KLHDC3: variants seen among roughly 807,000 people sequenced by gnomAD.
KLHDC3 encodes kelch domain containing 3.
Under a neutral mutation model 44.1 loss-of-function variants are expected in KLHDC3, and 5 were observed. The ratio of observed to expected loss-of-function variants is 0.11; its 90% CI spans 0.06 to 0.24. The LOEUF is 0.24. Among genes scored for constraint, KLHDC3 ranks in the 10% least tolerant of loss-of-function variants. The probability of loss-of-function intolerance (pLI) is 1.00; values close to 1 mark genes in which losing one functional copy is unlikely to be tolerated. For synonymous variants in KLHDC3, 170 were observed against 189.0 expected (o/e 0.90, Z 0.82); for missense variants, 247 against 514.3 (o/e 0.48, Z 5.03).
intron 10 of KLHDC3, 28 bp from the exon 11 acceptor site, chr6:43,020,635 CTTCT>C (rs1189195986): frequency 1.3e-6 from 2 of 1,587,040 alleles, no homozygotes; most frequent in Admixed American, 1.7e-5. Context: ...AGGGCCCCCT[CTTCT>C]TTCTGTCTCT....
rs765487089 is a variant in KLHDC3, at chr6:43,019,383, G to A, written c.1082+17G>A. ...TGATATCAGGTACAGCGAGTGGTTG[G>A]AAGGGAGGGATTGAGTGAGGGTGAG... On this transcript the variant is annotated intron_variant, in intron 10 of 10. Transcript: ENST00000326974. 8 of 1,580,730 alleles carry A rather than the reference G, an allele frequency of 5.1e-6. No individual in the cohort carries two copies. The East Asian group carries it at 1.6e-4, about 31-fold the overall frequency.
Position 43,020,734 on chromosome 6 carries a change from G to A in KLHDC3, c.*1G>A, listed in dbSNP as rs1561860428. On this transcript the variant is annotated 3_prime_UTR_variant, in exon 11 of 11. Transcript: ENST00000326974. The stretch of plus-strand genomic sequence containing the variant: ...CCCCATCGTCTCCTCCCATGGGTAG[G>A]AGGAAGTTTCTGCCACCTCCCCTCC... The A allele has an allele frequency of 3.7e-6, 6 of 1,612,524 alleles. No homozygotes were observed. The highest frequency in any genetic ancestry group is 5.1e-6 in the Non-Finnish European group (6 of 1,178,684).
chr6:43,019,716 G>A (rs1236147545), intron 10 of KLHDC3, among the ~76,000 whole-genome samples: 1 of 152,216 alleles, frequency 6.6e-6, no homozygotes, highest in East Asian at 1.9e-4. Context: ...GGTTCCAGAA[G>A]ATCTGGCTGC....
Position 43,018,891 on chromosome 6 carries a change from G to A in KLHDC3, c.849G>A (p.Pro283=), listed in dbSNP as rs34597116. 9.3e-6 allele frequency: 15 copies of A among 1,611,238 alleles called. No individual in the cohort carries two copies. Among genetic ancestry groups the A allele is most frequent in the South Asian group, 7.7e-5 (7 of 90,902 alleles). Residue 283 remains proline, a synonymous_variant, in exon 8 of 11, where the codon CCG becomes CCA. Transcript: ENST00000326974. This position sits in a 1 kb window ranked among gnomAD's most constrained non-coding sequence, Gnocchi z 6.0. The part of the protein sequence containing the change: ...PVSFTWKKIE[P]KGKGPCPRRR... The stretch of plus-strand genomic sequence containing the variant: ...CCTTTACCTGGAAAAAGATTGAACC[G>A]AAGGGGAAGGGGCCATGTCCCCGCC...
At position 43,020,755 on chromosome 6, in the gene KLHDC3, C is replaced by A; in HGVS notation, c.*22C>A. 6.3e-7 allele frequency: 1 copy of A among 1,586,974 alleles called. No homozygotes were observed. Among genetic ancestry groups the A allele is most frequent in the Non-Finnish European group, 8.7e-7 (1 of 1,155,286 alleles). On this transcript the variant is annotated 3_prime_UTR_variant, in exon 11 of 11. Coordinates refer to ENST00000326974, the MANE Select transcript of KLHDC3 (RefSeq NM_057161.4). ...GTAGGAGGAAGTTTCTGCCACCTCC[C>A]CTCCTGAGCCTGCTGTCATCTTCAC... is the stretch of plus-strand genomic sequence containing the variant.
rs1232167596 is a variant in KLHDC3, at chr6:43,014,285, G to C, written c.-123G>C. 2 of 763,562 alleles carry C rather than the reference G, an allele frequency of 2.6e-6. No individual in the cohort carries two copies. Among genetic ancestry groups the C allele is most frequent in the South Asian group, 3.8e-5 (2 of 52,196 alleles). The allele number at this position is 763,562 out of a possible 1,614,324, so 47.3% of individuals were successfully genotyped here. A position where few individuals can be genotyped will look rare whatever the true frequency, so the allele number is the denominator to read the frequency against. ...TGGGGACTAAGGCGTCGGTTGGCGC[G>C]CAACGGGTTCTAGGCTGCAGGCAGC... On this transcript the variant is annotated 5_prime_UTR_variant, in exon 1 of 11. Coordinates refer to ENST00000326974, the MANE Select transcript of KLHDC3 (RefSeq NM_057161.4).
At chr6:43,015,573 G>T (rs1046831171) in intron 1 of KLHDC3, among the ~76,000 whole-genome samples, 2 of 152,078 alleles carry the variant, frequency 1.3e-5, no homozygotes, top group African/African-American at 2.4e-5. Flanking sequence ...TGACCAGCTG[G>T]GCATGGTGGC....
chr6:43,015,136 T>G (rs1310752595), intron 1 of KLHDC3, among the ~76,000 whole-genome samples: 1 of 152,184 alleles, frequency 6.6e-6, no homozygotes, highest in Non-Finnish European at 1.5e-5. Flanking sequence ...ATGGAAGACT[T>G]CCATTCTTAA....
At position 43,020,675 on chromosome 6, in the gene KLHDC3, T is replaced by C. The variant is rs775969062; in HGVS notation, c.1091T>C (p.Leu364Pro). 6.2e-7 allele frequency: 1 copy of C among 1,613,690 alleles called. No homozygotes were observed. ...SCLPHDIRWELNAMTTNSNIS... is the reference protein window; with the variant it reads ...SCLPHDIRWEPNAMTTNSNIS... Reference sequence around the variant, plus strand: ...TATTGTTGGCCTTCCAGGTGGGAGCTGAATGCCATGACCACCAACAGCAAT... The same window carrying C: ...TATTGTTGGCCTTCCAGGTGGGAGCCGAATGCCATGACCACCAACAGCAAT... Residue 364 changes from leucine to proline, a missense_variant, in exon 11 of 11, where the codon CTG becomes CCG. Leu to Pro is a moderately conservative substitution (Grantham distance 98, BLOSUM62 -3). Transcript: ENST00000326974.
Position 43,018,806 on chromosome 6 carries a change from GTGGGGAAGATACC to G in KLHDC3, c.821-53_821-41del. The G allele has an allele frequency of 6.5e-7, 1 of 1,544,226 alleles. No homozygotes were observed. The highest frequency in any genetic ancestry group is 9.0e-7 in the Non-Finnish European group (1 of 1,116,378). Reference sequence around the variant, plus strand: ...AATCCTGAGGCGGTGAGGGATGGGGGTGGGGAAGATACCTGGACTAGGCAGGTATTGAACTTCC... The same window carrying G: ...AATCCTGAGGCGGTGAGGGATGGGGGTGGACTAGGCAGGTATTGAACTTCC... On this transcript the variant is annotated intron_variant, in intron 7 of 10. Transcript: ENST00000326974. The surrounding 1 kb of genome is among the most constrained non-coding windows in gnomAD (Gnocchi z 6.0).
In KLHDC3 at chr6:43,021,226, C is replaced by G. The variant is rs1215690014; in HGVS notation, c.*493C>G. 3 of 393,346 alleles carry G rather than the reference C, an allele frequency of 7.6e-6. No individual in the cohort carries two copies. Among genetic ancestry groups the G allele is most frequent in the African/African-American group, 6.2e-5 (3 of 48,294 alleles). The allele number at this position is 393,346 out of a possible 1,614,324, so 24.4% of individuals were successfully genotyped here. A position where few individuals can be genotyped will look rare whatever the true frequency, so the allele number is the denominator to read the frequency against. On this transcript the variant is annotated 3_prime_UTR_variant, in exon 11 of 11. Transcript: ENST00000326974. Reference sequence around the variant, plus strand: ...GACCAGCAGATAAATCCCACCCTTCCTTGAGCTGTCGCTGTACTCTGAAGT... The same window carrying G: ...GACCAGCAGATAAATCCCACCCTTCGTTGAGCTGTCGCTGTACTCTGAAGT...
chr6:43,019,197 C>T (rs1303688259), intron 9 of KLHDC3, 32 bp downstream of exon 9: 2 of 1,559,078 alleles, frequency 1.3e-6, no homozygotes, highest in East Asian at 2.2e-5. Context: ...TTGCTCCTGC[C>T]ATCAAGGTCC....
At position 43,018,242 on chromosome 6, in the gene KLHDC3, A is replaced by C. The variant is rs777621046; in HGVS notation, c.519+26A>C. The C allele has an allele frequency of 3.1e-6, 5 of 1,587,846 alleles. No homozygotes were observed. The East Asian group carries it at 1.1e-4, about 36-fold the overall frequency. ...GTCTGCTCTTTCTTTTTTTTCCCAA[A>C]TCCCCACCCTCTGTTGAAGCAATGA... On this transcript the variant is annotated intron_variant, in intron 5 of 10. Coordinates refer to ENST00000326974, the MANE Select transcript of KLHDC3 (RefSeq NM_057161.4). This position sits in a 1 kb window ranked among gnomAD's most constrained non-coding sequence, Gnocchi z 6.0.
chr6:43,020,049 A>G (rs1163249619), intron 10 of KLHDC3, among the ~76,000 whole-genome samples: 1 of 152,146 alleles, frequency 6.6e-6, no homozygotes, highest in East Asian at 1.9e-4. Flanking sequence ...AGTGGCAGCC[A>G]CCAGTAGTCC....
Position 43,018,348 on chromosome 6 carries a change from C to T in KLHDC3, c.525C>T (p.Ser175=), listed in dbSNP as rs56281346. ...ATCTCTCTGCCTCTGCCCAGGGCAG[C>T]CCTGCACGCTGGAGGGACTTCCACT... The part of the protein sequence containing the change: ...MTWTLICTKG[S]PARWRDFHSA... Residue 175 remains serine, a synonymous_variant, in exon 6 of 11, where the codon AGC becomes AGT. Coordinates refer to ENST00000326974, the MANE Select transcript of KLHDC3 (RefSeq NM_057161.4). The surrounding 1 kb of genome is among the most constrained non-coding windows in gnomAD (Gnocchi z 6.0). 12 of 1,613,418 alleles carry T rather than the reference C, an allele frequency of 7.4e-6. No homozygotes were observed. The highest frequency in any genetic ancestry group is 2.7e-5 in the African/African-American group (2 of 75,056).
rs902255077 is a variant in KLHDC3 at position 43,017,437 on chromosome 6, G to A, written c.155-82G>A. 5.8e-6 allele frequency: 9 copies of A among 1,564,390 alleles called. No individual in the cohort carries two copies. On this transcript the variant is annotated intron_variant, in intron 2 of 10. Coordinates refer to ENST00000326974, the MANE Select transcript of KLHDC3 (RefSeq NM_057161.4). This position sits in a 1 kb window ranked among gnomAD's most constrained non-coding sequence, Gnocchi z 6.0. ...TTGGCTGTGGTCTCTGGGACCAAGG[G>A]GATTGGGGACAAACATCTGGTTTGG...
At position 43,020,889 on chromosome 6, in the gene KLHDC3, G is replaced by A. The variant is rs1762676626; in HGVS notation, c.*156G>A. On this transcript the variant is annotated 3_prime_UTR_variant, in exon 11 of 11. Coordinates refer to ENST00000326974, the MANE Select transcript of KLHDC3 (RefSeq NM_057161.4). ...TTCTCTGTGCTGTGAATTCAGTGGG[G>A]AGCTGTAGCGGGGTGGGGGCTAGGT... is the stretch of plus-strand genomic sequence containing the variant. 2 of 696,344 alleles carry A rather than the reference G, an allele frequency of 2.9e-6. No homozygotes were observed. Among genetic ancestry groups the A allele is most frequent in the South Asian group, 3.2e-5 (2 of 63,322 alleles). The allele number at this position is 696,344 out of a possible 1,614,324, so 43.1% of individuals were successfully genotyped here.
intron 10 of KLHDC3, among the ~76,000 whole-genome samples, chr6:43,020,343 A>G: frequency 6.6e-6 from 1 of 152,168 alleles, no homozygotes; most frequent in East Asian, 1.9e-4. Context: ...GGTTGGCTCT[A>G]AGCAAAGCAG....
rs1371404608 is a variant in KLHDC3, at chr6:43,017,183, G to C, written c.-10G>C. On this transcript the variant is annotated 5_prime_UTR_variant, in exon 2 of 11. Coordinates refer to ENST00000326974, the MANE Select transcript of KLHDC3 (RefSeq NM_057161.4). The surrounding 1 kb of genome is among the most constrained non-coding windows in gnomAD (Gnocchi z 6.0). ...GGGGGGGCATGTTGCTGTAACCAGT[G>C]GCCCAGGGGATGTTACGGTGGACAG... 6.2e-7 allele frequency: 1 copy of C among 1,610,416 alleles called. No individual in the cohort carries two copies. The highest frequency in any genetic ancestry group is 8.5e-7 in the Non-Finnish European group (1 of 1,178,964).
Sources: gnomAD v4.1 joint callset for allele counts (sites outside exome capture counted in the v4.1 genomes callset) on GRCh38, gnomAD v4.1.1 for gene constraint, Gnocchi (gnomAD v3.1) non-coding constraint, MANE v1.5 for transcripts, NCBI Gene and HGNC (gene_info 2026-07-23, HGNC 2026-07-21) for gene names.